Variants in CTNNA3 observed in about 807,000 individuals in gnomAD.
The protein encoded by CTNNA3 is catenin alpha-3.
CTNNA3 carries 76 observed loss-of-function variants against 95.7 expected under a neutral mutation model. The observed-to-expected ratio is 0.79, with a 90% CI of 0.66 to 0.96. The LOEUF (loss-of-function observed/expected upper bound fraction) is 0.96. CTNNA3 is among the 40% of genes least tolerant of loss of function. CTNNA3 has a pLI of 0.00. For missense variants in CTNNA3, 1,191 were observed against 1,089.8 expected (o/e 1.09, Z -1.31); for synonymous variants, 431 against 374.4 (o/e 1.15, Z -1.74).
At chr10:66,020,552 A>T (rs1447396851) in intron 15 of CTNNA3, among the ~76,000 whole-genome samples, 3 of 152,192 alleles carry the variant, frequency 2.0e-5, no homozygotes, top group African/African-American at 7.2e-5. Flanking sequence ...TTTATCTTAC[A>T]TTCTGGCTGG....
intron 7 of CTNNA3, among the ~76,000 whole-genome samples, chr10:66,985,478 G>A (rs1043146512): frequency 2.0e-5 from 3 of 152,076 alleles, no homozygotes; most frequent in African/African-American, 7.2e-5. Flanking sequence ...GGATCCAGGG[G>A]AAAGTATACC....
intron 5 of CTNNA3, among the ~76,000 whole-genome samples, chr10:67,461,978 A>G (rs1332264628): frequency 6.6e-6 from 1 of 152,208 alleles, no homozygotes; most frequent in Non-Finnish European, 1.5e-5. Flanking sequence ...TTTTAATCAC[A>G]GCTACTTATG....
chr10:66,942,342 T>G (rs1848040736), intron 7 of CTNNA3, among the ~76,000 whole-genome samples: 1 of 152,186 alleles, frequency 6.6e-6, no homozygotes, highest in Non-Finnish European at 1.5e-5. Context: ...CTACCAGCAA[T>G]TTGCAAGCCC....
At chr10:67,575,289 T>A (rs1842106558) in intron 3 of CTNNA3, among the ~76,000 whole-genome samples, 1 of 152,088 alleles carries the variant, frequency 6.6e-6, no homozygotes, top group Admixed American at 6.6e-5. Context: ...TCTTCTTTTT[T>A]TCCCCCATAG....
intron 7 of CTNNA3, among the ~76,000 whole-genome samples, chr10:67,178,392 ACCT>A (rs964535299): frequency 1.3e-5 from 2 of 152,098 alleles, no homozygotes; most frequent in Non-Finnish European, 2.9e-5. Flanking sequence ...CTTTATAAGT[ACCT>A]CTTTATATAG....
chr10:66,748,187 G>C (rs909983012), intron 9 of CTNNA3, among the ~76,000 whole-genome samples: 4 of 152,162 alleles, frequency 2.6e-5, no homozygotes, highest in African/African-American at 9.7e-5. Flanking sequence ...AAAAACGTTC[G>C]AATCTGGAGA....
At chr10:66,484,441 A>T (rs74141511) in intron 11 of CTNNA3, among the ~76,000 whole-genome samples, 1 of 151,972 alleles carries the variant, frequency 6.6e-6, no homozygotes, top group African/African-American at 2.4e-5. Flanking sequence ...ATATTTTAGG[A>T]TATAAAAAAG....
At chr10:66,907,761 C>T (rs1846052220) in intron 7 of CTNNA3, among the ~76,000 whole-genome samples, 1 of 152,088 alleles carries the variant, frequency 6.6e-6, no homozygotes, top group South Asian at 2.1e-4. Context: ...TGTGCCACTA[C>T]CACTGGAAGA....
chr10:66,811,561 G>C (rs1841877043), intron 7 of CTNNA3, among the ~76,000 whole-genome samples: 1 of 152,128 alleles, frequency 6.6e-6, no homozygotes, highest in African/African-American at 2.4e-5. Context: ...TAGCTGTATA[G>C]AATTAGTCTG....
chr10:67,214,518 A>T (rs2132250852), intron 6 of CTNNA3, among the ~76,000 whole-genome samples: 1 of 152,058 alleles, frequency 6.6e-6, no homozygotes, highest in Middle Eastern at 3.5e-3. Flanking sequence ...TATAAAAAGT[A>T]ATATGTAAGC....
At chr10:67,370,507 G>C (rs16924423) in intron 5 of CTNNA3, among the ~76,000 whole-genome samples, 1 of 152,072 alleles carries the variant, frequency 6.6e-6, no homozygotes, top group Non-Finnish European at 1.5e-5. Context: ...TGCGAATAAC[G>C]ACAAATAGCT....
Position 67,277,155 on chromosome 10 carries a change from T to A in CTNNA3, c.580-57285A>T, listed in dbSNP as rs117289655. Among the ~76,000 whole-genome samples, 1,142 of 152,270 alleles carry A rather than the reference T, an allele frequency of 7.5e-3. 9 individuals carry two copies. The highest frequency in any genetic ancestry group is 8.7e-3 in the Non-Finnish European group (594 of 68,010). ...TATGCTGATCATCACTCTACTTTATTGTTTCAAATTATCTTGAACTCTTAA... is the reference window on the plus strand; with the variant it reads ...TATGCTGATCATCACTCTACTTTATAGTTTCAAATTATCTTGAACTCTTAA... On this transcript the variant is annotated intron_variant, in intron 5 of 17. Transcript: ENST00000433211.
intron 9 of CTNNA3, among the ~76,000 whole-genome samples, chr10:66,625,605 T>C (rs1844907360): frequency 6.6e-6 from 1 of 152,056 alleles, no homozygotes; most frequent in Admixed American, 6.6e-5. Flanking sequence ...GCTAAGCTGG[T>C]TTTGACCTCC....
At chr10:66,543,903 GTGTGTGTGTATATATATATATA>G (rs1228393622) in intron 10 of CTNNA3, among the ~76,000 whole-genome samples, 1,245 of 44,646 alleles carry the variant, frequency 0.028, 47 homozygotes, top group African/African-American at 0.051. Flanking sequence ...CTTGAGATGT[GTGTGTGTGTATATATATATATA>G]TATATATATA....
Position 65,920,199 on chromosome 10 carries a change from C to T in CTNNA3, c.*131G>A, listed in dbSNP as rs553739788. On this transcript the variant is annotated 3_prime_UTR_variant, in exon 18 of 18. Coordinates refer to ENST00000433211, the MANE Select transcript of CTNNA3 (RefSeq NM_013266.4). ...ATATATTGCTTTTGTTGATTTAGCG[C>T]CCAATATTTTATGTTATTTGTGAGT... is the stretch of plus-strand genomic sequence containing the variant. 36 of 759,358 alleles carry T rather than the reference C, an allele frequency of 4.7e-5. No homozygotes were observed. Among genetic ancestry groups the T allele is most frequent in the East Asian group, 4.0e-4 (16 of 39,514 alleles). The allele number at this position is 759,358 out of a possible 1,614,324, so 47.0% of individuals were successfully genotyped here.
intron 1 of CTNNA3, among the ~76,000 whole-genome samples, chr10:67,745,330 T>C (rs2131743452): frequency 6.6e-6 from 1 of 151,962 alleles, no homozygotes; most frequent in Middle Eastern, 3.4e-3. Flanking sequence ...CATGCAGCCA[T>C]AAAAAATGAT....
chr10:67,708,452 A>G (rs1247750115), intron 1 of CTNNA3, among the ~76,000 whole-genome samples: 1 of 152,120 alleles, frequency 6.6e-6, no homozygotes, highest in Admixed American at 6.6e-5. Context: ...GAAAATCACA[A>G]TCATTTTCAG....
At chr10:67,209,064 T>C (rs1429501692) in intron 6 of CTNNA3, among the ~76,000 whole-genome samples, 1 of 149,654 alleles carries the variant, frequency 6.7e-6, no homozygotes, top group Non-Finnish European at 1.5e-5. Context: ...TTGTTGTTGT[T>C]GTTAAGACAG....
intron 7 of CTNNA3, among the ~76,000 whole-genome samples, chr10:66,876,813 G>A (rs1042951031): frequency 1.3e-5 from 2 of 151,994 alleles, no homozygotes; most frequent in Admixed American, 6.6e-5. Flanking sequence ...AGAAAGAGAA[G>A]TCCCCAGGCA....
Sources: allele counts gnomAD v4.1 joint callset (sites outside exome capture counted in the v4.1 genomes callset), GRCh38; gene constraint gnomAD v4.1.1; transcripts MANE v1.5; gene names NCBI Gene and HGNC (gene_info 2026-07-23, HGNC 2026-07-21).